SEMA6D: variants seen among roughly 807,000 people sequenced by gnomAD.
SEMA6D encodes semaphorin-6D.
SEMA6D carries 35 observed loss-of-function variants against 106.6 expected under a neutral mutation model. The ratio of observed to expected loss-of-function variants is 0.33; its 90% confidence interval spans 0.25 to 0.44. The LOEUF (loss-of-function observed/expected upper bound fraction) is 0.44. Ranked by LOEUF, SEMA6D falls within the 20% of genes least tolerant of loss-of-function variation. The pLI is 1.00. For missense variants in SEMA6D, 1,185 were observed against 1,345.9 expected (o/e 0.88, Z 1.87); for synonymous variants, 499 against 487.7 (o/e 1.02, Z -0.31).
intron 3 of SEMA6D, among the ~76,000 whole-genome samples, chr15:47,592,547 G>A (rs2076458504): frequency 6.6e-6 from 1 of 152,158 alleles, no homozygotes; most frequent in Non-Finnish European, 1.5e-5. Context: ...AATGATCATG[G>A]CGTGAGTTTC....
At chr15:47,365,115 G>C (rs1325214273) in intron 1 of SEMA6D, among the ~76,000 whole-genome samples, 1 of 152,280 alleles carries the variant, frequency 6.6e-6, no homozygotes, top group Non-Finnish European at 1.5e-5. Flanking sequence ...GGCTCCGAGA[G>C]GATATCCCAC....
chr15:47,358,441 T>G (rs1173222607), intron 1 of SEMA6D, among the ~76,000 whole-genome samples: 2 of 152,230 alleles, frequency 1.3e-5, no homozygotes, highest in African/African-American at 4.8e-5. Flanking sequence ...AGTTTTAGCC[T>G]TAGACTGTAA....
At chr15:47,517,437 G>A (rs1447616784) in intron 3 of SEMA6D, among the ~76,000 whole-genome samples, 1 of 152,024 alleles carries the variant, frequency 6.6e-6, no homozygotes, top group Non-Finnish European at 1.5e-5. Context: ...TCCTCTCTAT[G>A]CGTTCATTAC....
At chr15:47,268,352 C>A (rs2034414808) in intron 1 of SEMA6D, among the ~76,000 whole-genome samples, 2 of 152,106 alleles carry the variant, frequency 1.3e-5, no homozygotes, top group South Asian at 4.1e-4. Flanking sequence ...TTATTTCATT[C>A]ATTTTCTTAA....
rs761874750 is a variant in SEMA6D, at chr15:47,760,318, C to T, written c.124C>T (p.Pro42Ser). The T allele has an allele frequency of 3.2e-5, 51 of 1,613,202 alleles. No individual in the cohort carries two copies. Among genetic ancestry groups the T allele is most frequent in the Non-Finnish European group, 4.3e-5 (51 of 1,179,506 alleles). Residue 42 changes from proline (P) to serine (S), a missense_variant, in exon 3 of 19, where the codon CCG (proline) becomes TCG (serine). By Grantham distance (74) the Pro-to-Ser change is moderately conservative. Coordinates refer to ENST00000536845, the MANE Select transcript of SEMA6D (RefSeq NM_001358351.3). Reference protein sequence around the residue: ...TVDYHYSRQYPVFRGRPSGNE... With the variant: ...TVDYHYSRQYSVFRGRPSGNE... ...TTTACTTGCAGATTCAAGGCAATAT[C>T]CGGTTTTTAGAGGACGCCCTTCAGG...
chr15:47,588,778 A>T (rs767732586), intron 3 of SEMA6D, among the ~76,000 whole-genome samples: 4 of 152,148 alleles, frequency 2.6e-5, no homozygotes, highest in Non-Finnish European at 4.4e-5. Flanking sequence ...TAGAGGACTG[A>T]GTTTTATAGT....
At chr15:47,468,159 G>A (rs2042719784) in intron 2 of SEMA6D, among the ~76,000 whole-genome samples, 1 of 151,980 alleles carries the variant, frequency 6.6e-6, no homozygotes, top group Admixed American at 6.6e-5. Context: ...TTAAATATAT[G>A]TTACTGTGTG....
chr15:47,694,719 G>C (rs763008837), intron 4 of SEMA6D, among the ~76,000 whole-genome samples: 1 of 152,138 alleles, frequency 6.6e-6, no homozygotes, highest in East Asian at 1.9e-4. Flanking sequence ...CAAGGCATGT[G>C]TCTGTTGTGA....
At chr15:47,471,273 A>G (rs957445789) in intron 3 of SEMA6D, among the ~76,000 whole-genome samples, 8 of 152,120 alleles carry the variant, frequency 5.3e-5, no homozygotes, top group South Asian at 4.1e-4. Flanking sequence ...TTGTGTTGAA[A>G]TCATTGCTGA....
intron 1 of SEMA6D, among the ~76,000 whole-genome samples, chr15:47,386,262 TG>T (rs528572511): frequency 6.6e-6 from 1 of 151,878 alleles, no homozygotes; most frequent in Non-Finnish European, 1.5e-5. Context: ...AGCTTCCAAC[TG>T]GGGGTAGGGA....
chr15:47,567,504 C>A (rs1344446145), intron 3 of SEMA6D, among the ~76,000 whole-genome samples: 1 of 152,178 alleles, frequency 6.6e-6, no homozygotes, highest in Non-Finnish European at 1.5e-5. Context: ...CATTTCCTAA[C>A]CATGAAATAC....
intron 3 of SEMA6D, among the ~76,000 whole-genome samples, chr15:47,497,925 C>G (rs2043723624): frequency 6.6e-6 from 1 of 152,090 alleles, no homozygotes; most frequent in Non-Finnish European, 1.5e-5. Flanking sequence ...CTGTCTAATG[C>G]AAACACTACA....
chr15:47,722,116 G>T (rs191320090), intron 1 of SEMA6D, among the ~76,000 whole-genome samples: 98 of 152,230 alleles, frequency 6.4e-4, no homozygotes, highest in Non-Finnish European at 1.0e-3. Context: ...GAAAGTCCTT[G>T]CCACCTTGCA....
At chr15:47,769,789 G>A (rs954779834) in intron 18 of SEMA6D, among the ~76,000 whole-genome samples, 4 of 151,678 alleles carry the variant, frequency 2.6e-5, no homozygotes, top group Admixed American at 2.6e-4. Flanking sequence ...CTTTTTCTAG[G>A]TCTAATTTAA....
chr15:47,531,692 G>A (rs1596255766), intron 3 of SEMA6D, among the ~76,000 whole-genome samples: 1 of 152,152 alleles, frequency 6.6e-6, no homozygotes, highest in Non-Finnish European at 1.5e-5. Flanking sequence ...CCCCTCCAAG[G>A]GGTCAATGTC....
intron 1 of SEMA6D, among the ~76,000 whole-genome samples, chr15:47,281,781 T>A (rs1203887955): frequency 6.6e-6 from 1 of 152,180 alleles, no homozygotes; most frequent in East Asian, 1.9e-4. Context: ...ATCTTTGCTT[T>A]GTTGTAACAT....
intron 2 of SEMA6D, among the ~76,000 whole-genome samples, chr15:47,447,183 G>A (rs1183813318): frequency 1.3e-5 from 2 of 152,122 alleles, no homozygotes. Flanking sequence ...AGTTTTGTCA[G>A]CATCTCCTTT....
intron 1 of SEMA6D, among the ~76,000 whole-genome samples, chr15:47,278,272 C>G (rs1184594965): frequency 6.6e-6 from 1 of 152,184 alleles, no homozygotes; most frequent in Admixed American, 6.5e-5. Flanking sequence ...TCTCCAGCAC[C>G]TGTTGTTTCC....
intron 1 of SEMA6D, among the ~76,000 whole-genome samples, chr15:47,384,762 G>A (rs958801837): frequency 1.4e-5 from 2 of 143,224 alleles, no homozygotes; most frequent in South Asian, 2.3e-4. Context: ...ATAGAGGAGT[G>A]TGTAGTTATT....
Sources: allele counts gnomAD v4.1 joint callset (sites outside exome capture counted in the v4.1 genomes callset), GRCh38; gene constraint gnomAD v4.1.1; transcripts MANE v1.5; gene names NCBI Gene and HGNC (gene_info 2026-07-23, HGNC 2026-07-21).